Variants in PLIN3 observed in about 807,000 individuals in gnomAD.
PLIN3 encodes the protein perilipin-3.
In PLIN3, 30 loss-of-function variants were observed where a neutral mutation model predicts 35.9. That is an observed-to-expected ratio of 0.84 (90% CI 0.62 to 1.13). PLIN3 has a LOEUF of 1.13. Ranked by LOEUF, PLIN3 falls within the 50% of genes most tolerant of loss-of-function variation. PLIN3 has a pLI of 0.00. For synonymous variants in PLIN3, 261 were observed against 262.5 expected, an observed-to-expected ratio of 0.99 and a Z score of 0.06; for missense variants, 603 against 596.9, an observed-to-expected ratio of 1.01 and a Z score of -0.11.
chr19:4,859,925 T>A lies in PLIN3; in HGVS notation c.166A>T (p.Ile56Phe). ...TCTGCTGCGTCGCAGACAGTCTTGA[T>A]GTGCGGGTAGCTCTCCTTGGTGGAG... ...YASTKESYPHIKTVCDAAEKG... is the reference protein window; with the variant it reads ...YASTKESYPHFKTVCDAAEKG... The change falls in exon 3 of 8, where the codon ATC becomes TTC. Residue 56 changes from isoleucine (I) to phenylalanine (F), a missense_variant. Ile to Phe is a conservative substitution (Grantham distance 21). Transcript: ENST00000221957. 1.3e-5 allele frequency: 21 copies of A among 1,613,706 alleles called. No homozygotes were observed. Among genetic ancestry groups the A allele is most frequent in the Non-Finnish European group, 1.8e-5 (21 of 1,179,918 alleles).
chr19:4,862,210 A>G (rs149516100), intron 1 of PLIN3, among the ~76,000 whole-genome samples: 13 of 148,540 alleles, frequency 8.8e-5, no homozygotes, highest in Admixed American at 6.8e-4. Flanking sequence ...GGCTCACTGT[A>G]ACCTCCACCT....
At chr19:4,840,258 G>A (rs1044255622) in intron 7 of PLIN3, among the ~76,000 whole-genome samples, 11 of 151,782 alleles carry the variant, frequency 7.2e-5, no homozygotes, top group South Asian at 2.1e-4. Flanking sequence ...GAACCACCGC[G>A]CCCAGACTCT....
chr19:4,859,259 T>A (rs1163598657), intron 4 of PLIN3, among the ~76,000 whole-genome samples: 1 of 152,120 alleles, frequency 6.6e-6, no homozygotes, highest in Admixed American at 6.6e-5. Flanking sequence ...CCGTGGCTCA[T>A]TCCTATAATC....
rs143189671 is a variant in PLIN3, at chr19:4,866,494, G to C, written c.-18+1115C>G. The C allele has an allele frequency of 1.3e-4, 20 of 152,186 alleles. 1 individual carries two copies. Among genetic ancestry groups the C allele is most frequent in the Admixed American group, 3.9e-4 (6 of 15,244 alleles). 9.4% of individuals were successfully genotyped at this position (152,186 alleles called of 1,614,324 possible). A position where few individuals can be genotyped will look rare whatever the true frequency, so the allele number is the denominator to read the frequency against. On this transcript the variant is annotated intron_variant, in intron 1 of 7. Coordinates refer to ENST00000221957, the MANE Select transcript of PLIN3 (RefSeq NM_005817.5). ...TCCGGGGAAGCTCAGATCCGTGCCC[G>C]GCACATAGTAAGTGCTCCATAAACT...
At chr19:4,865,792 CAGCTCACTGCA>C (rs2030831094) in intron 1 of PLIN3, among the ~76,000 whole-genome samples, 3 of 147,472 alleles carry the variant, frequency 2.0e-5, no homozygotes, top group Admixed American at 1.4e-4. Context: ...GGCGCGATCT[CAGCTCACTGCA>C]AGCTCTGCCT....
At chr19:4,862,896 C>T (rs1330396554) in intron 1 of PLIN3, among the ~76,000 whole-genome samples, 6 of 152,284 alleles carry the variant, frequency 3.9e-5, no homozygotes, top group East Asian at 1.9e-4. Context: ...CAGTGGCTCA[C>T]GCCTGTAATC....
At chr19:4,858,128 C>T (rs941476071) in intron 4 of PLIN3, among the ~76,000 whole-genome samples, 6 of 151,320 alleles carry the variant, frequency 4.0e-5, no homozygotes, top group African/African-American at 1.5e-4. Context: ...CAAAAATTAG[C>T]TAGGCGTGGT....
At chr19:4,853,643 A>G (rs1173130888) in intron 4 of PLIN3, among the ~76,000 whole-genome samples, 3 of 151,790 alleles carry the variant, frequency 2.0e-5, no homozygotes, top group Admixed American at 1.3e-4. Flanking sequence ...TATTTTTTGT[A>G]GAGACAAAAA....
At position 4,847,880 on chromosome 19, in the gene PLIN3, G is replaced by C; in HGVS notation, c.645C>G (p.Ala215=). 6.2e-7 allele frequency: 1 copy of C among 1,613,336 alleles called. No individual in the cohort carries two copies. The highest frequency in any genetic ancestry group is 2.2e-5 in the East Asian group (1 of 44,866). The change falls in exon 6 of 8, where the codon GCC becomes GCG. Residue 215 remains alanine (A), a synonymous_variant. Coordinates refer to ENST00000221957, the MANE Select transcript of PLIN3 (RefSeq NM_005817.5). ...CGACGTCAAAGCCATCCAGGGATGT[G>C]GCGATGCGGGCTGCAAGGAAAAGGA... ...PLTDAELARI[A]TSLDGFDVAS...
At chr19:4,853,490 C>T (rs1284425427) in intron 4 of PLIN3, among the ~76,000 whole-genome samples, 1 of 151,524 alleles carries the variant, frequency 6.6e-6, no homozygotes, top group Non-Finnish European at 1.5e-5. Context: ...CATGCCGAGC[C>T]GATTTTTGTA....
intron 1 of PLIN3, among the ~76,000 whole-genome samples, chr19:4,865,091 C>T (rs1420136231): frequency 6.6e-6 from 1 of 152,094 alleles, no homozygotes; most frequent in Non-Finnish European, 1.5e-5. Flanking sequence ...ACTTGGGAGA[C>T]TGAGGCAGGG....
At chr19:4,861,761 G>C (rs529647673) in intron 1 of PLIN3, among the ~76,000 whole-genome samples, 1 of 151,096 alleles carries the variant, frequency 6.6e-6, no homozygotes, top group Non-Finnish European at 1.5e-5. Context: ...TTAGCCTCCC[G>C]AGTAGCTGGA....
At chr19:4,857,523 C>T (rs1041504369) in intron 4 of PLIN3, among the ~76,000 whole-genome samples, 3 of 151,944 alleles carry the variant, frequency 2.0e-5, no homozygotes, top group Non-Finnish European at 4.4e-5. Context: ...GAGCCATGAT[C>T]ACACTACTGC....
chr19:4,864,109 G>A (rs1211692701), intron 1 of PLIN3, among the ~76,000 whole-genome samples: 70 of 6,356 alleles, frequency 0.011, no homozygotes, highest in South Asian at 0.096. Context: ...GTGTGTGTGT[G>A]TGTGTGTGTG....
At chr19:4,844,912 G>C (rs2030036298) in intron 6 of PLIN3, 119 bp from the exon 7 acceptor site, 1 of 1,176,246 alleles carries the variant, frequency 8.5e-7, no homozygotes, top group South Asian at 1.6e-5. Flanking sequence ...AAAAGAGAAA[G>C]GGAGGGAGGG....
chr19:4,855,007 TGGGAGGC>T (rs2030425848), intron 4 of PLIN3, among the ~76,000 whole-genome samples: 1 of 151,862 alleles, frequency 6.6e-6, no homozygotes, highest in African/African-American at 2.4e-5. Context: ...CCCAGCACTT[TGGGAGGC>T]CAAGGCAGCT....
chr19:4,867,642 G>C lies in PLIN3; in HGVS notation c.-51C>G, dbSNP rs941073959. On this transcript the variant is annotated 5_prime_UTR_variant, in exon 1 of 8. Transcript: ENST00000221957. ...ACCGGACGTCCCAGGAACAGCTGCC[G>C]CGACTTCAAAACCAGCTTGGAAACC... 6.6e-6 allele frequency: 1 copy of C among 152,062 alleles called. No individual in the cohort carries two copies. Among genetic ancestry groups the C allele is most frequent in the Admixed American group, 6.6e-5 (1 of 15,256 alleles). The allele number at this position is 152,062 out of a possible 1,614,324, so 9.4% of individuals were successfully genotyped here.
rs2146205978 is a variant in PLIN3, at chr19:4,852,213, T to C, written c.437A>G (p.Gln146Arg). ...VSSAKDTVAT[Q>R]LSEAVDATRG... ...GGTCGCGTCCACCGCCTCCGACAAT[T>C]GGGTGGCCACCGTGTCCTTGGCGCT... Residue 146 changes from glutamine to arginine, a missense_variant, in exon 5 of 8, where the codon CAA becomes CGA. Coordinates refer to ENST00000221957, the MANE Select transcript of PLIN3 (RefSeq NM_005817.5). 1 of 1,612,150 alleles carries C rather than the reference T, an allele frequency of 6.2e-7. No homozygotes were observed. Among genetic ancestry groups the C allele is most frequent in the Non-Finnish European group, 8.5e-7 (1 of 1,179,996 alleles).
At chr19:4,842,201 T>C (rs1374169644) in intron 7 of PLIN3, among the ~76,000 whole-genome samples, 1 of 151,136 alleles carries the variant, frequency 6.6e-6, no homozygotes, top group Non-Finnish European at 1.5e-5. Context: ...CCAAGACGGG[T>C]GGATAACTTG....
Sources: allele counts gnomAD v4.1 joint callset (sites outside exome capture counted in the v4.1 genomes callset), GRCh38; gene constraint gnomAD v4.1.1; transcripts MANE v1.5; gene names NCBI Gene and HGNC (gene_info 2026-07-23, HGNC 2026-07-21).